KLHL14: variants seen among roughly 807,000 people sequenced by gnomAD.
KLHL14 encodes the protein kelch-like protein 14.
Under a neutral mutation model 64.3 loss-of-function variants are expected in KLHL14, and 22 were observed. That is an observed-to-expected ratio of 0.34 (90% confidence interval 0.24 to 0.49). The LOEUF (loss-of-function observed/expected upper bound fraction) is 0.49, where lower values mean the gene tolerates loss of function less well. Among genes scored for constraint, KLHL14 ranks in the 20% least tolerant of loss-of-function variants. The pLI, the probability that KLHL14 is intolerant of heterozygous loss-of-function variation, is 0.99. For missense variants in KLHL14, 661 were observed against 789.0 expected, an observed-to-expected ratio of 0.84 and a Z score of 1.94; for synonymous variants, 322 against 333.4, an observed-to-expected ratio of 0.97 and a Z score of 0.37.
intron 2 of KLHL14, among the ~76,000 whole-genome samples, chr18:32,765,868 T>C (rs1412221678): frequency 2.0e-5 from 3 of 152,160 alleles, no homozygotes; most frequent in African/African-American, 7.2e-5. Context: ...AGACTATGTT[T>C]TGTAGTAAAT....
chr18:32,704,869 CAG>C (rs145371753), intron 3 of KLHL14, among the ~76,000 whole-genome samples: 13 of 150,722 alleles, frequency 8.6e-5, no homozygotes, highest in Non-Finnish European at 7.4e-5. Flanking sequence ...ACTGTGTAGA[CAG>C]AGAGAGAGAG....
intron 2 of KLHL14, among the ~76,000 whole-genome samples, chr18:32,742,472 A>G (rs2050203991): frequency 6.6e-6 from 1 of 152,234 alleles, no homozygotes; most frequent in African/African-American, 2.4e-5. Flanking sequence ...GAAAAAATTA[A>G]GGTTATGCAG....
At chr18:32,722,767 C>T (rs886468961) in intron 3 of KLHL14, among the ~76,000 whole-genome samples, 1 of 152,082 alleles carries the variant, frequency 6.6e-6, no homozygotes, top group African/African-American at 2.4e-5. Context: ...TGAGACCAGC[C>T]TGGGCTACAT....
chr18:32,694,299 T>A (rs2049926663), intron 4 of KLHL14, among the ~76,000 whole-genome samples: 1 of 152,218 alleles, frequency 6.6e-6, no homozygotes, highest in African/African-American at 2.4e-5. Context: ...TCAAATCACA[T>A]CTAAAGAAGG....
At chr18:32,693,399 CACACACACACACACAG>C (rs2049919094) in intron 4 of KLHL14, among the ~76,000 whole-genome samples, 1 of 120,528 alleles carries the variant, frequency 8.3e-6, no homozygotes, top group Non-Finnish European at 1.8e-5. Flanking sequence ...CACACACACA[CACACACACACACACAG>C]AGAGAGAGAG....
intron 3 of KLHL14, among the ~76,000 whole-genome samples, chr18:32,741,437 C>T (rs972101149): frequency 1.3e-5 from 2 of 152,142 alleles, no homozygotes; most frequent in Non-Finnish European, 2.9e-5. Flanking sequence ...TCAAACTATG[C>T]AGCAGTATAA....
At position 32,700,738 on chromosome 18, in the gene KLHL14, C is replaced by T. The variant is rs530204731; in HGVS notation, c.1070-5186G>A. ...GGGAAGCACACAACAAACACAGACA[C>T]AAGTAAATAAGCTCTTTTGTTTCAA... On this transcript the variant is annotated intron_variant, in intron 3 of 8. Transcript: ENST00000359358. 8.5e-5 allele frequency among the ~76,000 whole-genome samples: 13 copies of T among 152,182 alleles called. No individual in the cohort carries two copies. In the South Asian group the frequency reaches 2.7e-3, roughly 32 times the overall value.
chr18:32,761,710 A>G (rs2050315206), intron 2 of KLHL14, among the ~76,000 whole-genome samples: 1 of 152,072 alleles, frequency 6.6e-6, no homozygotes, highest in African/African-American at 2.4e-5. Flanking sequence ...TTTTACTGTA[A>G]ATTGCATGCA....
chr18:32,704,418 G>A (rs868257116), intron 3 of KLHL14, among the ~76,000 whole-genome samples: 1 of 152,074 alleles, frequency 6.6e-6, no homozygotes, highest in Non-Finnish European at 1.5e-5. Context: ...GTATCAGAAG[G>A]TCTAATTGAG....
chr18:32,674,594 T>A lies in KLHL14; in HGVS notation c.*63A>T. ...TTAGAATGCATTGTTCCTATTATAA[T>A]AGTGATGTCACCTGCCATTGCTTCC... On this transcript the variant is annotated 3_prime_UTR_variant, in exon 9 of 9. Coordinates refer to ENST00000359358, the MANE Select transcript of KLHL14 (RefSeq NM_020805.3). The A allele has an allele frequency of 4.0e-6, 3 of 759,250 alleles. No individual in the cohort carries two copies. Among genetic ancestry groups the A allele is most frequent in the Non-Finnish European group, 7.4e-6 (3 of 405,692 alleles). 47.0% of individuals were successfully genotyped at this position (759,250 alleles called of 1,614,324 possible). A position where few individuals can be genotyped will look rare whatever the true frequency, so the allele number is the denominator to read the frequency against.
chr18:32,756,504 GT>G (rs2050282767), intron 2 of KLHL14, among the ~76,000 whole-genome samples: 1 of 152,088 alleles, frequency 6.6e-6, no homozygotes, highest in Non-Finnish European at 1.5e-5. Flanking sequence ...AAGAATGACT[GT>G]TTTCCTGGAA....
intron 3 of KLHL14, among the ~76,000 whole-genome samples, chr18:32,722,959 A>G (rs1429220247): frequency 6.6e-6 from 1 of 152,136 alleles, no homozygotes; most frequent in African/African-American, 2.4e-5. Flanking sequence ...TGTCTTTAAA[A>G]ATCAACAACA....
At chr18:32,695,374 C>T (rs960476223) in intron 4 of KLHL14, 89 bp downstream of exon 4, 2 of 814,374 alleles carry the variant, frequency 2.5e-6, no homozygotes, top group African/African-American at 3.4e-5. Flanking sequence ...AATGTATTTT[C>T]CACACTAATT....
At chr18:32,724,304 T>C (rs1235900408) in intron 3 of KLHL14, among the ~76,000 whole-genome samples, 1 of 152,164 alleles carries the variant, frequency 6.6e-6, no homozygotes, top group African/African-American at 2.4e-5. Flanking sequence ...AACCAATAAA[T>C]GATAGATTTG....
rs368698572 is a variant in KLHL14, at chr18:32,673,995, G to A, written c.*662C>T. The A allele has an allele frequency of 2.2e-4, 33 of 152,236 alleles. No homozygotes were observed. Among genetic ancestry groups the A allele is most frequent in the African/African-American group, 7.9e-4 (33 of 41,536 alleles). 9.4% of individuals were successfully genotyped at this position (152,236 alleles called of 1,614,324 possible). Reference sequence around the variant, plus strand: ...GACACAGAAATGACGACTCTGTCTAGCCTAGAACCTATAGGGTAGAAAGCA... The same window carrying A: ...GACACAGAAATGACGACTCTGTCTAACCTAGAACCTATAGGGTAGAAAGCA... On this transcript the variant is annotated 3_prime_UTR_variant, in exon 9 of 9. Transcript: ENST00000359358.
chr18:32,772,125 C>A, intron 1 of KLHL14: 1 of 251,380 alleles, frequency 4.0e-6, no homozygotes, highest in Admixed American at 4.9e-5. Flanking sequence ...GGCCCGCCCG[C>A]CCGGGGGAGA....
rs2049856790 is a variant in KLHL14 at position 32,683,913 on chromosome 18, T to C, written c.1238+3242A>G. On this transcript the variant is annotated intron_variant, in intron 5 of 8. Transcript: ENST00000359358. The surrounding 1 kb of genome is among the most constrained non-coding windows in gnomAD (Gnocchi z 4.2). ...CCATTGTTTCTTGTAACACAAAATA[T>C]TACTAGAAAAACAAAATATTTAAAA... Among the ~76,000 whole-genome samples the C allele has an allele frequency of 6.6e-6, 1 of 152,208 alleles. No homozygotes were observed. Among genetic ancestry groups the C allele is most frequent in the Non-Finnish European group, 1.5e-5 (1 of 68,036 alleles).
chr18:32,766,461 A>G (rs767108613), intron 2 of KLHL14, among the ~76,000 whole-genome samples: 8 of 152,056 alleles, frequency 5.3e-5, no homozygotes, highest in Non-Finnish European at 5.9e-5. Context: ...TAATCTATCC[A>G]TCACCTCACC....
intron 3 of KLHL14, among the ~76,000 whole-genome samples, chr18:32,698,070 TTCAA>T (rs2049945439): frequency 6.6e-6 from 1 of 152,346 alleles, no homozygotes; most frequent in South Asian, 2.1e-4. Flanking sequence ...AAAATCTATA[TTCAA>T]TCAATGTTTG....
Sources: gnomAD v4.1 joint callset for allele counts (sites outside exome capture counted in the v4.1 genomes callset) on GRCh38, gnomAD v4.1.1 for gene constraint, Gnocchi (gnomAD v3.1) non-coding constraint, MANE v1.5 for transcripts, NCBI Gene and HGNC (gene_info 2026-07-23, HGNC 2026-07-21) for gene names.